RASA2: variants seen among roughly 807,000 people sequenced by gnomAD.
RASA2 encodes ras GTPase-activating protein 2.
Under a neutral mutation model 118.2 loss-of-function variants are expected in RASA2, and 155 were observed. The ratio of observed to expected loss-of-function variants is 1.31; its 90% confidence interval spans 1.15 to 1.50. RASA2 has a LOEUF of 1.50. Among genes scored for constraint, RASA2 ranks in the 40% most tolerant of loss-of-function variants. The pLI is 0.00. For synonymous variants in RASA2, 353 were observed against 349.1 expected (o/e 1.01, Z -0.12); for missense variants, 1,016 against 1,009.6 (o/e 1.01, Z -0.09).
At chr3:141,513,682 CA>C (rs1174058120) in intron 2 of RASA2, among the ~76,000 whole-genome samples, 3 of 152,150 alleles carry the variant, frequency 2.0e-5, no homozygotes, top group African/African-American at 7.2e-5. Flanking sequence ...AATATAGTGA[CA>C]AAAGTTCACC....
chr3:141,570,250 C>T (rs1387772210), intron 9 of RASA2, among the ~76,000 whole-genome samples: 1 of 150,982 alleles, frequency 6.6e-6, no homozygotes, highest in Admixed American at 6.6e-5. Context: ...CTTGCTCTGT[C>T]ATCCAGGCAA....
intron 5 of RASA2, among the ~76,000 whole-genome samples, chr3:141,549,953 A>G (rs1463641594): frequency 6.6e-6 from 1 of 152,250 alleles, no homozygotes; most frequent in Non-Finnish European, 1.5e-5. Flanking sequence ...AGTGGATTAA[A>G]ACTTATAGAA....
At chr3:141,573,856 C>A in intron 13 of RASA2, 88 bp from the exon 14 acceptor site, 1 of 1,171,468 alleles carries the variant, frequency 8.5e-7, no homozygotes, top group Non-Finnish European at 1.1e-6. Flanking sequence ...GTCTAATAAA[C>A]CTCATTTTCT....
chr3:141,599,620 T>C (rs375864780), intron 19 of RASA2, among the ~76,000 whole-genome samples: 183 of 152,246 alleles, frequency 1.2e-3, no homozygotes, highest in African/African-American at 4.2e-3. Flanking sequence ...GAATTTTTAT[T>C]GGGAAGGGAG....
intron 9 of RASA2, among the ~76,000 whole-genome samples, chr3:141,568,861 AT>A (rs952034535): frequency 2.4e-4 from 37 of 152,226 alleles, no homozygotes; most frequent in Admixed American, 1.4e-3. Flanking sequence ...AGGAAAAAAA[AT>A]ATGCAGATAA....
chr3:141,588,875 T>G (rs893692089), intron 19 of RASA2, among the ~76,000 whole-genome samples: 3 of 151,728 alleles, frequency 2.0e-5, no homozygotes, highest in Non-Finnish European at 4.4e-5. Flanking sequence ...GGATTCTCAC[T>G]CTGTCACCCA....
At chr3:141,565,230 C>T (rs1412808023) in intron 9 of RASA2, among the ~76,000 whole-genome samples, 2 of 150,268 alleles carry the variant, frequency 1.3e-5, no homozygotes, top group Non-Finnish European at 2.9e-5. Flanking sequence ...GGTGATCCAC[C>T]CGCCTTGGCC....
rs1577705481 is a variant in RASA2, at chr3:141,540,530, T to C, written c.451-3T>C. 5 of 1,605,454 alleles carry C rather than the reference T, an allele frequency of 3.1e-6. No homozygotes were observed. In the East Asian group the frequency reaches 1.1e-4, roughly 36 times the overall value. On this transcript the variant is annotated splice_region_variant and splice_polypyrimidine_tract_variant and intron_variant, in intron 4 of 23. Transcript: ENST00000286364. Reference sequence around the variant, plus strand: ...TCAGTTTGTAATCTTTTTGTCATTATAGGGTAAAGTTCACCTTGAATTAAA... The same window carrying C: ...TCAGTTTGTAATCTTTTTGTCATTACAGGGTAAAGTTCACCTTGAATTAAA...
rs567446448 is a variant in RASA2, at chr3:141,538,730, T to C, written c.451-1803T>C. 2.3e-4 allele frequency among the ~76,000 whole-genome samples: 35 copies of C among 152,312 alleles called. No individual in the cohort carries two copies. The South Asian group carries it at 6.6e-3, about 29-fold the overall frequency. On this transcript the variant is annotated intron_variant, in intron 4 of 23. Transcript: ENST00000286364. ...CACACTTTTCTTGACCTGGTTAATA[T>C]ATAATTGTGTTATTGTTGATTAATA...
At chr3:141,549,287 T>TA (rs951892715) in intron 5 of RASA2, among the ~76,000 whole-genome samples, 1 of 152,176 alleles carries the variant, frequency 6.6e-6, no homozygotes, top group African/African-American at 2.4e-5. Context: ...TTGTCAGCTT[T>TA]ACCTTCTCTC....
chr3:141,491,933 A>C (rs2081644507), intron 1 of RASA2, among the ~76,000 whole-genome samples: 1 of 152,214 alleles, frequency 6.6e-6, no homozygotes, highest in Non-Finnish European at 1.5e-5. Context: ...CTATCCAGTA[A>C]AGTTGAGTGG....
chr3:141,571,099 A>T, intron 10 of RASA2, 31 bp downstream of exon 10: 1 of 1,558,244 alleles, frequency 6.4e-7, no homozygotes, highest in Non-Finnish European at 8.7e-7. Flanking sequence ...ATATGATTTA[A>T]CACGAAACGG....
At position 141,573,940 on chromosome 3, in the gene RASA2, GC is replaced by G; in HGVS notation, c.1360-3del. The G allele has an allele frequency of 6.4e-7, 1 of 1,569,960 alleles. No homozygotes were observed. ...CTTAATGTTTACCTTTTTAAATCCT[GC>G]AGGAGAATCTGCGCTACTATGTAGA... On this transcript the variant is annotated splice_region_variant and splice_polypyrimidine_tract_variant and intron_variant, in intron 13 of 23. Coordinates refer to ENST00000286364, the MANE Select transcript of RASA2 (RefSeq NM_006506.5).
At chr3:141,530,009 G>A (rs943831281) in intron 4 of RASA2, among the ~76,000 whole-genome samples, 5 of 152,264 alleles carry the variant, frequency 3.3e-5, no homozygotes, top group African/African-American at 9.6e-5. Context: ...ATATGCATAT[G>A]TGTAGATTTG....
intron 2 of RASA2, among the ~76,000 whole-genome samples, chr3:141,514,775 T>A (rs895755896): frequency 5.3e-5 from 8 of 152,156 alleles, no homozygotes; most frequent in African/African-American, 1.9e-4. Context: ...ACAACTCAAA[T>A]AACATCACTA....
intron 3 of RASA2, among the ~76,000 whole-genome samples, chr3:141,523,083 A>C (rs2082134412): frequency 6.6e-6 from 1 of 151,752 alleles, no homozygotes; most frequent in Non-Finnish European, 1.5e-5. Flanking sequence ...TTATGTATGG[A>C]TATTTTTATT....
chr3:141,571,255 C>A, intron 10 of RASA2, 151 bp from the exon 11 acceptor site: 2 of 1,246,262 alleles, frequency 1.6e-6, no homozygotes, highest in East Asian at 4.8e-5. Flanking sequence ...CATGTGCTCC[C>A]ACAATCATCT....
intron 15 of RASA2, among the ~76,000 whole-genome samples, chr3:141,578,068 T>C (rs897391303): frequency 1.4e-4 from 21 of 152,230 alleles, no homozygotes; most frequent in African/African-American, 5.1e-4. Flanking sequence ...CACATTTATT[T>C]AGTGCTTTGT....
intron 5 of RASA2, among the ~76,000 whole-genome samples, chr3:141,552,881 T>A (rs923294600): frequency 6.6e-6 from 1 of 152,206 alleles, no homozygotes; most frequent in Non-Finnish European, 1.5e-5. Context: ...GCAACACTCA[T>A]GAGTTTCTCT....
Sources: gnomAD v4.1 joint callset for allele counts (sites outside exome capture counted in the v4.1 genomes callset) on GRCh38, gnomAD v4.1.1 for gene constraint, MANE v1.5 for transcripts, NCBI Gene and HGNC (gene_info 2026-07-23, HGNC 2026-07-21) for gene names.